The following RRP1B variants were observed in gnomAD, a reference collection of about 807,000 sequenced individuals.
The protein encoded by RRP1B is ribosomal RNA processing 1B.
In RRP1B, 56 loss-of-function variants were observed where a neutral mutation model predicts 80.2. That is an observed-to-expected ratio of 0.70 (90% CI 0.56 to 0.87). The LOEUF (loss-of-function observed/expected upper bound fraction) is 0.87, where lower values mean the gene tolerates loss of function less well. Ranked by LOEUF, RRP1B falls within the 40% of genes least tolerant of loss-of-function variation. The pLI, the probability that RRP1B is intolerant of heterozygous loss-of-function variation, is 0.00. For synonymous variants in RRP1B, 351 were observed against 357.6 expected (o/e 0.98, Z 0.21); for missense variants, 807 against 939.8 (o/e 0.86, Z 1.85).
chr21:43,693,440 T>C lies in RRP1B; in HGVS notation c.*57T>C. 3 of 1,420,922 alleles carry C rather than the reference T, an allele frequency of 2.1e-6. No individual in the cohort carries two copies. The highest frequency in any genetic ancestry group is 2.8e-6 in the Non-Finnish European group (3 of 1,070,286). 88.0% of individuals were successfully genotyped at this position (1,420,922 alleles called of 1,614,324 possible). ...TTTGTACAGAATGCGCTATAAATTATACCTTTAAGAATGTGGGGCCTTTTT... is the reference window on the plus strand; with the variant it reads ...TTTGTACAGAATGCGCTATAAATTACACCTTTAAGAATGTGGGGCCTTTTT... On this transcript the variant is annotated 3_prime_UTR_variant, in exon 16 of 16. Coordinates refer to ENST00000340648, the MANE Select transcript of RRP1B (RefSeq NM_015056.3). This position sits in a 1 kb window ranked among gnomAD's most constrained non-coding sequence, Gnocchi z 4.1.
chr21:43,659,804 C>T lies in RRP1B; in HGVS notation c.130+10C>T. The stretch of plus-strand genomic sequence containing the variant: ...ACGCAGAGGGAGACAGGTGGGCGCA[C>T]GGCCGCGGTCAGCCGCGCCACATGG... On this transcript the variant is annotated intron_variant, in intron 1 of 15. Coordinates refer to ENST00000340648, the MANE Select transcript of RRP1B (RefSeq NM_015056.3). This position sits in a 1 kb window ranked among gnomAD's most constrained non-coding sequence, Gnocchi z 4.2. 1.3e-6 allele frequency: 2 copies of T among 1,490,970 alleles called. No homozygotes were observed. Among genetic ancestry groups the T allele is most frequent in the East Asian group, 2.8e-5 (1 of 35,514 alleles). The allele number at this position is 1,490,970 out of a possible 1,614,324, so 92.4% of individuals were successfully genotyped here. A position where few individuals can be genotyped will look rare whatever the true frequency, so the allele number is the denominator to read the frequency against.
Position 43,691,012 on chromosome 21 carries a change from T to C in RRP1B, c.2020-427T>C, listed in dbSNP as rs899707396. On this transcript the variant is annotated intron_variant, in intron 14 of 15. Coordinates refer to ENST00000340648, the MANE Select transcript of RRP1B (RefSeq NM_015056.3). This position sits in a 1 kb window ranked among gnomAD's most constrained non-coding sequence, Gnocchi z 4.2. ...GTCATAGAGTCTTCAAGTTAGAAGT[T>C]CAGAACTCTCCAGCAAAAGGCAGGG... 3.9e-5 allele frequency among the ~76,000 whole-genome samples: 6 copies of C among 152,316 alleles called. No homozygotes were observed. Among genetic ancestry groups the C allele is most frequent in the African/African-American group, 1.4e-4 (6 of 41,566 alleles).
intron 6 of RRP1B, among the ~76,000 whole-genome samples, chr21:43,675,834 G>A (rs958363456): frequency 3.5e-5 from 5 of 142,454 alleles, no homozygotes; most frequent in Admixed American, 2.7e-4. Context: ...AAATATGAGG[G>A]GTATTTTGCA....
At chr21:43,692,526 G>A (rs959932519) in intron 15 of RRP1B, among the ~76,000 whole-genome samples, 2 of 151,808 alleles carry the variant, frequency 1.3e-5, no homozygotes, top group Non-Finnish European at 2.9e-5. Context: ...TTGAACCCAG[G>A]AGATGGAGGT....
rs114313987 is a variant in RRP1B, at chr21:43,681,072, T to G, written c.797-2207T>G. Among the ~76,000 whole-genome samples the G allele has an allele frequency of 4.2e-3, 632 of 152,110 alleles. 8 individuals are homozygous for G. Among genetic ancestry groups the G allele is most frequent in the African/African-American group, 0.014 (599 of 41,522 alleles). On this transcript the variant is annotated intron_variant, in intron 8 of 15. Transcript: ENST00000340648. ...CTGGCCAACATGGTGAAACCAAGTCTCTACCAAAAAGTACAAAAATTAGCC... is the reference window on the plus strand; with the variant it reads ...CTGGCCAACATGGTGAAACCAAGTCGCTACCAAAAAGTACAAAAATTAGCC...
intron 1 of RRP1B, among the ~76,000 whole-genome samples, chr21:43,668,250 T>C (rs2082986240): frequency 6.6e-6 from 1 of 151,554 alleles, no homozygotes; most frequent in South Asian, 2.1e-4. Flanking sequence ...TATAAAATTG[T>C]TGATGGGAGA....
chr21:43,684,096 G>C (rs2083053905), intron 9 of RRP1B, among the ~76,000 whole-genome samples: 1 of 140,838 alleles, frequency 7.1e-6, no homozygotes, highest in African/African-American at 2.7e-5. Flanking sequence ...TTTTGAGACA[G>C]AGTCGCACTC....
rs372777760 is a variant in RRP1B at position 43,683,341 on chromosome 21, G to T, written c.859G>T (p.Gly287Ter). ...LSDERGRDDCGTFEDTGPLLQ... is the reference protein window; with the variant it reads ...LSDERGRDDC ...TGATGAAAGAGGAAGAGATGACTGT[G>T]GAACCTTTGAGGACACAGGGCCCCT... The change falls in exon 9 of 16, where the codon GGA (glycine) becomes TGA (stop). Residue 287 changes from glycine to a stop codon, truncating the protein, a stop_gained. Transcript: ENST00000340648. LOFTEE classifies it high-confidence loss of function. 15 of 1,614,132 alleles carry T rather than the reference G, an allele frequency of 9.3e-6. No homozygotes were observed. Among genetic ancestry groups the T allele is most frequent in the Non-Finnish European group, 1.3e-5 (15 of 1,179,994 alleles).
chr21:43,673,794 C>A, intron 3 of RRP1B, 76 bp from the exon 4 acceptor site: 1 of 866,568 alleles, frequency 1.2e-6, no homozygotes. Flanking sequence ...TAGTTTGTTC[C>A]TCTTCATTAT....
At chr21:43,661,378 T>C (rs2082956382) in intron 1 of RRP1B, among the ~76,000 whole-genome samples, 2 of 152,206 alleles carry the variant, frequency 1.3e-5, no homozygotes, top group South Asian at 4.1e-4. Flanking sequence ...CTGCTGCTGC[T>C]CCACTGCCAC....
At chr21:43,688,904 C>T (rs146933162) in intron 13 of RRP1B, among the ~76,000 whole-genome samples, 16 of 152,236 alleles carry the variant, frequency 1.1e-4, no homozygotes, top group Non-Finnish European at 1.3e-4. Context: ...ATTCTTCTGC[C>T]TCTGCCTCCC....
In RRP1B at chr21:43,687,746, A is replaced by G; in HGVS notation, c.1372A>G (p.Ser458Gly). 3 of 1,613,138 alleles carry G rather than the reference A, an allele frequency of 1.9e-6. No homozygotes were observed. Among genetic ancestry groups the G allele is most frequent in the Non-Finnish European group, 1.7e-6 (2 of 1,179,978 alleles). ...GGCCACGTCCAGCACTGGGGAGGAG[A>G]GTGGCTCCGAGCATCCTCCAGCCGT... ...AEATSSTGEE[S>G]GSEHPPAVPM... The change falls in exon 13 of 16, where the codon AGT becomes GGT. Residue 458 changes from serine (S) to glycine (G), a missense_variant. Physicochemically the swap from Ser to Gly is moderately conservative, Grantham distance 56. Coordinates refer to ENST00000340648, the MANE Select transcript of RRP1B (RefSeq NM_015056.3).
chr21:43,673,895 G>T lies in RRP1B; in HGVS notation c.297G>T (p.Trp99Cys). ...AACACCTGTTCATTCAGACCTTTTG[G>T]CAAACCATGAATCGAGAATGGAAAG... is the stretch of plus-strand genomic sequence containing the variant. ...AAQHLFIQTF[W>C]QTMNREWKGI... Residue 99 changes from tryptophan to cysteine, a missense_variant, in exon 4 of 16, where the codon TGG becomes TGT. Trp to Cys is a radical substitution (Grantham distance 215). Coordinates refer to ENST00000340648, the MANE Select transcript of RRP1B (RefSeq NM_015056.3). The T allele has an allele frequency of 6.2e-7, 1 of 1,613,454 alleles. No individual in the cohort carries two copies. The highest frequency in any genetic ancestry group is 8.5e-7 in the Non-Finnish European group (1 of 1,179,658).
Position 43,685,887 on chromosome 21 carries a change from A to G in RRP1B, c.1009+98A>G, listed in dbSNP as rs563772733. ...AACGCTGAGAAACAAGATTGAAAGA[A>G]CTTTACTGAAAACCTCTGATAAGAA... is the stretch of plus-strand genomic sequence containing the variant. On this transcript the variant is annotated intron_variant, in intron 11 of 15. Coordinates refer to ENST00000340648, the MANE Select transcript of RRP1B (RefSeq NM_015056.3). 5.5e-5 allele frequency: 79 copies of G among 1,435,582 alleles called. No individual in the cohort carries two copies. In the African/African-American group the frequency reaches 1.1e-3, roughly 20 times the overall value. The allele number at this position is 1,435,582 out of a possible 1,614,324, so 88.9% of individuals were successfully genotyped here.
At chr21:43,671,827 A>G (rs1365862401) in intron 2 of RRP1B, among the ~76,000 whole-genome samples, 3 of 152,092 alleles carry the variant, frequency 2.0e-5, no homozygotes, top group African/African-American at 7.2e-5. Context: ...CTGGAACTAC[A>G]GGCACACGCC....
rs539408560 is a variant in RRP1B, at chr21:43,660,005, T to C, written c.130+211T>C. Among the ~76,000 whole-genome samples the C allele has an allele frequency of 9.8e-5, 15 of 152,330 alleles. No individual in the cohort carries two copies. The South Asian group carries it at 2.9e-3, about 29-fold the overall frequency. Reference sequence around the variant, plus strand: ...CGGGTTGAGGGGGTTCCGTTACTTATGAAAGTCACAGTAAGCGGGGAAGCT... The same window carrying C: ...CGGGTTGAGGGGGTTCCGTTACTTACGAAAGTCACAGTAAGCGGGGAAGCT... On this transcript the variant is annotated intron_variant, in intron 1 of 15. Transcript: ENST00000340648.
Position 43,673,878 on chromosome 21 carries a change from T to A in RRP1B, c.280T>A (p.Phe94Ile). 1.9e-6 allele frequency: 3 copies of A among 1,613,138 alleles called. No homozygotes were observed. The highest frequency in any genetic ancestry group is 1.7e-6 in the Non-Finnish European group (2 of 1,179,332). Reference sequence around the variant, plus strand: ...CCTTTTGTTCACTGCAGAACACCTGTTCATTCAGACCTTTTGGCAAACCAT... The same window carrying A: ...CCTTTTGTTCACTGCAGAACACCTGATCATTCAGACCTTTTGGCAAACCAT... ...AVNNSAAQHL[F>I]IQTFWQTMNR... is the part of the protein sequence containing the mutation. Residue 94 changes from phenylalanine (F) to isoleucine (I), a missense_variant, in exon 4 of 16, where the codon TTC becomes ATC. Transcript: ENST00000340648.
intron 8 of RRP1B, among the ~76,000 whole-genome samples, chr21:43,680,023 A>C (rs2083037225): frequency 6.6e-6 from 1 of 152,116 alleles, no homozygotes; most frequent in Non-Finnish European, 1.5e-5. Context: ...CATCATACTG[A>C]TTCATGTAAA....
rs900908491 is a variant in RRP1B at position 43,670,017 on chromosome 21, A to G, written c.213+51A>G. On this transcript the variant is annotated intron_variant, in intron 2 of 15. Coordinates refer to ENST00000340648, the MANE Select transcript of RRP1B (RefSeq NM_015056.3). ...TCCCGGGTTCTTGCTGTGGATGGAT[A>G]AGAGACTTGATCACTCATGCTGTGC... The G allele has an allele frequency of 2.2e-6, 3 of 1,346,090 alleles. No individual in the cohort carries two copies. In the African/African-American group the frequency reaches 4.3e-5, roughly 19 times the overall value. The allele number at this position is 1,346,090 out of a possible 1,614,324, so 83.4% of individuals were successfully genotyped here. A position where few individuals can be genotyped will look rare whatever the true frequency, so the allele number is the denominator to read the frequency against.
Sources: allele counts gnomAD v4.1 joint callset (sites outside exome capture counted in the v4.1 genomes callset), GRCh38; gene constraint gnomAD v4.1.1; non-coding constraint Gnocchi (gnomAD v3.1); transcripts MANE v1.5; gene names NCBI Gene and HGNC (gene_info 2026-07-23, HGNC 2026-07-21).